Variants in LMBRD1 observed in about 807,000 individuals in gnomAD.
LMBRD1 encodes lysosomal cobalamin transport escort protein LMBD1.
A neutral mutation model predicts 74.8 loss-of-function variants in LMBRD1; 64 were observed. The observed-to-expected ratio is 0.86, with a 90% CI of 0.70 to 1.05. LMBRD1 has a LOEUF of 1.05. Ranked by LOEUF, LMBRD1 falls within the 50% of genes least tolerant of loss-of-function variation. The pLI is 0.00. For synonymous variants in LMBRD1, 204 were observed against 216.3 expected, an observed-to-expected ratio of 0.94 and a Z score of 0.50; for missense variants, 652 against 645.9, an observed-to-expected ratio of 1.01 and a Z score of -0.10.
At chr6:69,690,193 T>C (rs1765848030) in intron 14 of LMBRD1, among the ~76,000 whole-genome samples, 1 of 152,100 alleles carries the variant, frequency 6.6e-6, no homozygotes, top group African/African-American at 2.4e-5. Flanking sequence ...CTATTTATAC[T>C]CATTCTCTTG....
intron 1 of LMBRD1, among the ~76,000 whole-genome samples, chr6:69,791,624 T>C (rs946248059): frequency 3.3e-5 from 5 of 152,198 alleles, no homozygotes; most frequent in Non-Finnish European, 7.3e-5. Context: ...TTACTTTCTT[T>C]CTGAGCATCC....
intron 5 of LMBRD1, among the ~76,000 whole-genome samples, chr6:69,745,505 G>C (rs1015756642): frequency 1.3e-4 from 19 of 147,370 alleles, no homozygotes; most frequent in Middle Eastern, 3.8e-3. Flanking sequence ...TGATCCACCC[G>C]CCTCGGCCTC....
At chr6:69,777,314 G>A (rs375890720) in intron 3 of LMBRD1, among the ~76,000 whole-genome samples, 2 of 151,760 alleles carry the variant, frequency 1.3e-5, no homozygotes, top group Admixed American at 6.6e-5. Context: ...TTATCCGGGC[G>A]TGATGACATG....
rs1404266419 is a variant in LMBRD1 at position 69,708,961 on chromosome 6, G to A, written c.915+4684C>T. On this transcript the variant is annotated intron_variant, in intron 9 of 15. Coordinates refer to ENST00000649934, the MANE Select transcript of LMBRD1 (RefSeq NM_018368.4). The stretch of plus-strand genomic sequence containing the variant: ...TTAAGAAACACTAAATGAGCTGGGC[G>A]TAGTGGCTCAAGCCTGTAATCCCAG... Among the ~76,000 whole-genome samples, 5 of 152,260 alleles carry A rather than the reference G, an allele frequency of 3.3e-5. No individual in the cohort carries two copies. The East Asian group carries it at 5.8e-4, about 18-fold the overall frequency.
intron 5 of LMBRD1, among the ~76,000 whole-genome samples, chr6:69,743,589 CAG>C (rs1284834822): frequency 1.1e-4 from 17 of 152,294 alleles, no homozygotes; most frequent in African/African-American, 3.4e-4. Flanking sequence ...AAGCATCCAT[CAG>C]AGAGTTAAAC....
chr6:69,752,201 A>C, intron 4 of LMBRD1, 58 bp downstream of exon 4: 3 of 1,532,002 alleles, frequency 2.0e-6, no homozygotes, highest in South Asian at 2.4e-5. Context: ...TTCTCTGAAA[A>C]AGCAGGTAAT....
intron 5 of LMBRD1, among the ~76,000 whole-genome samples, chr6:69,744,094 TTACTAAAGTATCAGGTA>T (rs1417280920): frequency 6.6e-6 from 1 of 152,162 alleles, no homozygotes; most frequent in Non-Finnish European, 1.5e-5. Context: ...ACTAAAGCAT[TTACTAAAGTATCAGGTA>T]TACTAAAGTA....
At chr6:69,679,781 G>A (rs1821353769) in intron 14 of LMBRD1, among the ~76,000 whole-genome samples, 1 of 152,044 alleles carries the variant, frequency 6.6e-6, no homozygotes, top group Non-Finnish European at 1.5e-5. Context: ...GGAGCCTGTG[G>A]ACTTATAAAA....
intron 2 of LMBRD1, among the ~76,000 whole-genome samples, chr6:69,788,323 T>A (rs1562127341): frequency 6.6e-6 from 1 of 152,060 alleles, no homozygotes; most frequent in Non-Finnish European, 1.5e-5. Context: ...AATACACACA[T>A]ATACATATAT....
chr6:69,676,906 CAAG>C (rs1276669180), intron 14 of LMBRD1, among the ~76,000 whole-genome samples: 2 of 152,008 alleles, frequency 1.3e-5, no homozygotes, highest in African/African-American at 4.8e-5. Context: ...TGATGAACAT[CAAG>C]AAGAAAGAAC....
rs188101282 is a variant in LMBRD1 at position 69,674,811 on chromosome 6, A to G, written c.*1347T>C. Among the ~76,000 whole-genome samples, 9 of 152,176 alleles carry G rather than the reference A, an allele frequency of 5.9e-5. No individual in the cohort carries two copies. The highest frequency in any genetic ancestry group is 2.2e-4 in the African/African-American group (9 of 41,510). ...AAGATGGTGAAACCCCATCTCTGCTAAAAATACAAAAACTAGCCAGGCATG... is the reference window on the plus strand; with the variant it reads ...AAGATGGTGAAACCCCATCTCTGCTGAAAATACAAAAACTAGCCAGGCATG... On this transcript the variant is annotated 3_prime_UTR_variant, in exon 16 of 16. Transcript: ENST00000649934.
At chr6:69,722,668 C>T (rs984058948) in intron 7 of LMBRD1, among the ~76,000 whole-genome samples, 5 of 151,954 alleles carry the variant, frequency 3.3e-5, no homozygotes, top group Non-Finnish European at 7.4e-5. Flanking sequence ...TTGTGGTAAC[C>T]TCAAATTAAA....
rs1433888517 is a variant in LMBRD1, at chr6:69,737,627, G to T, written c.636+315C>A. On this transcript the variant is annotated intron_variant, in intron 7 of 15. Transcript: ENST00000649934. ...CTATTAATATGCTTATAAATCTATA[G>T]GCATATAGATTTATAAGCATATCAG... 3.4e-5 allele frequency among the ~76,000 whole-genome samples: 5 copies of T among 149,222 alleles called. No individual in the cohort carries two copies. The South Asian group carries it at 6.3e-4, about 19-fold the overall frequency.
At chr6:69,711,579 C>G (rs773401752) in intron 9 of LMBRD1, among the ~76,000 whole-genome samples, 7 of 151,946 alleles carry the variant, frequency 4.6e-5, no homozygotes, top group South Asian at 2.1e-4. Context: ...ACTTTCAGTG[C>G]TATGAAGACA....
intron 2 of LMBRD1, among the ~76,000 whole-genome samples, chr6:69,788,254 A>C (rs1766000287): frequency 6.6e-6 from 1 of 152,140 alleles, no homozygotes; most frequent in Non-Finnish European, 1.5e-5. Flanking sequence ...TAAACTAAAA[A>C]AATCTCCGAT....
intron 9 of LMBRD1, among the ~76,000 whole-genome samples, chr6:69,712,434 T>A (rs796182618): frequency 6.7e-5 from 7 of 105,154 alleles, no homozygotes; most frequent in African/African-American, 2.0e-4. Flanking sequence ...CTGTCAGAGT[T>A]CCTATGTTTT....
intron 3 of LMBRD1, among the ~76,000 whole-genome samples, chr6:69,772,079 T>C (rs1270555057): frequency 6.6e-6 from 1 of 152,182 alleles, no homozygotes; most frequent in Non-Finnish European, 1.5e-5. Flanking sequence ...TAAAGGTCAG[T>C]TGCTTTAGAA....
chr6:69,705,824 C>A, intron 9 of LMBRD1: 1 of 1,252,334 alleles, frequency 8.0e-7, no homozygotes, highest in South Asian at 1.2e-5. Context: ...AAATGTTGTT[C>A]ACTAATATGC....
chr6:69,692,594 T>C (rs971961856), intron 14 of LMBRD1, among the ~76,000 whole-genome samples: 10 of 152,170 alleles, frequency 6.6e-5, no homozygotes, highest in Non-Finnish European at 1.5e-4. Context: ...CAAATATATT[T>C]ATGTCCTTAT....
Sources: allele counts gnomAD v4.1 joint callset (sites outside exome capture counted in the v4.1 genomes callset), GRCh38; gene constraint gnomAD v4.1.1; transcripts MANE v1.5; gene names NCBI Gene and HGNC (gene_info 2026-07-23, HGNC 2026-07-21).